CDON: variants seen among roughly 807,000 people sequenced by gnomAD.
CDON encodes cell adhesion molecule-related/down-regulated by oncogenes.
CDON carries 73 observed loss-of-function variants against 120.9 expected under a neutral mutation model. The observed-to-expected ratio is 0.60, with a 90% CI of 0.50 to 0.73. The LOEUF (loss-of-function observed/expected upper bound fraction) is 0.73, where lower values mean the gene tolerates loss of function less well. Among genes scored for constraint, CDON ranks in the 30% least tolerant of loss-of-function variants. The pLI, the probability that CDON is intolerant of heterozygous loss-of-function variation, is 0.00. For missense variants in CDON, 1,470 were observed against 1,587.3 expected, an observed-to-expected ratio of 0.93 and a Z score of 1.26; for synonymous variants, 566 against 573.5, an observed-to-expected ratio of 0.99 and a Z score of 0.19.
intron 11 of CDON, among the ~76,000 whole-genome samples, 200 bp downstream of exon 11, chr11:126,001,519 A>G (rs1946943993): frequency 1.5e-5 from 1 of 66,418 alleles, no homozygotes; most frequent in Non-Finnish European, 3.3e-5. Context: ...TTTGAGTCAG[A>G]GTTAATGAAG....
intron 1 of CDON, among the ~76,000 whole-genome samples, chr11:126,040,568 C>A (rs1278923702): frequency 6.6e-6 from 1 of 152,066 alleles, no homozygotes; most frequent in Non-Finnish European, 1.5e-5. Flanking sequence ...ATAATCCCAG[C>A]ACTTTGGGAG....
At chr11:125,997,174 C>A (rs185955228) in intron 12 of CDON, 33 bp downstream of exon 12, 90 of 1,465,210 alleles carry the variant, frequency 6.1e-5, no homozygotes, top group Non-Finnish European at 8.6e-5. Flanking sequence ...AAGTTCACAT[C>A]GATGGTAAAA....
chr11:126,003,074 A>C (rs923041334), intron 10 of CDON, among the ~76,000 whole-genome samples: 3 of 151,568 alleles, frequency 2.0e-5, no homozygotes, highest in African/African-American at 7.3e-5. Flanking sequence ...ACTGTTAACA[A>C]CTCCTACCCC....
At chr11:125,998,522 G>A (rs771449051) in intron 11 of CDON, among the ~76,000 whole-genome samples, 7 of 151,970 alleles carry the variant, frequency 4.6e-5, no homozygotes, top group Non-Finnish European at 7.4e-5. Context: ...TGGAAGCCAA[G>A]TGATGCTGGT....
At chr11:125,972,620 C>T (rs1404354116) in intron 18 of CDON, among the ~76,000 whole-genome samples, 1 of 152,076 alleles carries the variant, frequency 6.6e-6, no homozygotes, top group East Asian at 1.9e-4. Context: ...ATAATAGAGG[C>T]AACGTTTTCC....
At chr11:125,985,634 A>G (rs1946439183) in intron 15 of CDON, among the ~76,000 whole-genome samples, 1 of 152,178 alleles carries the variant, frequency 6.6e-6, no homozygotes, top group Non-Finnish European at 1.5e-5. Flanking sequence ...ATTATACCGA[A>G]TCTCCTGTTA....
intron 18 of CDON, among the ~76,000 whole-genome samples, chr11:125,967,193 A>G (rs551900041): frequency 6.6e-6 from 1 of 152,316 alleles, no homozygotes; most frequent in South Asian, 2.1e-4. Flanking sequence ...CTGGAGGGGG[A>G]AATGGAGTTA....
intron 8 of CDON, among the ~76,000 whole-genome samples, chr11:126,006,807 T>A (rs1037032932): frequency 1.3e-5 from 2 of 148,292 alleles, no homozygotes; most frequent in Non-Finnish European, 1.5e-5. Context: ...AAAAAAAAAA[T>A]AGGTTGCATA....
chr11:126,058,916 T>C (rs556298891), intron 1 of CDON, among the ~76,000 whole-genome samples: 16 of 152,342 alleles, frequency 1.1e-4, no homozygotes, highest in African/African-American at 3.1e-4. Flanking sequence ...TTGGCGCTGC[T>C]AGCAAGTCTG....
intron 1 of CDON, among the ~76,000 whole-genome samples, chr11:126,056,148 G>A (rs1269192817): frequency 2.0e-5 from 3 of 152,194 alleles, no homozygotes; most frequent in Non-Finnish European, 4.4e-5. Context: ...CTTTGCAAAT[G>A]CCATTACAAC....
intron 16 of CDON, among the ~76,000 whole-genome samples, chr11:125,982,054 G>A (rs1475365146): frequency 8.1e-6 from 1 of 123,168 alleles, no homozygotes; most frequent in Admixed American, 1.1e-4. Flanking sequence ...CGTGATCTTG[G>A]CTCACTGCAA....
intron 18 of CDON, among the ~76,000 whole-genome samples, chr11:125,962,577 CACT>C (rs1945674197): frequency 6.6e-6 from 1 of 152,158 alleles, no homozygotes; most frequent in African/African-American, 2.4e-5. Context: ...AATTTATTAC[CACT>C]GAGTATTTCA....
In CDON at chr11:125,981,344, CAA is replaced by C; in HGVS notation, c.2996-17_2996-16del. On this transcript the variant is annotated splice_polypyrimidine_tract_variant and intron_variant, in intron 16 of 19. Coordinates refer to ENST00000531738, the MANE Select transcript of CDON (RefSeq NM_001378964.1). ...TGGGTCATATTCTGTTAAAAGAGAA[CAA>C]AAAAGACACACACGCACACACACAC... 6.2e-7 allele frequency: 1 copy of C among 1,608,626 alleles called. No individual in the cohort carries two copies. Among genetic ancestry groups the C allele is most frequent in the South Asian group, 1.1e-5 (1 of 91,046 alleles).
chr11:126,019,516 T>C, intron 4 of CDON, 103 bp downstream of exon 4: 1 of 1,271,080 alleles, frequency 7.9e-7, no homozygotes, highest in Non-Finnish European at 1.1e-6. Context: ...CACTCATGCC[T>C]TCTTGTATCC....
chr11:126,009,601 G>C (rs1307696041), intron 8 of CDON, among the ~76,000 whole-genome samples: 1 of 152,176 alleles, frequency 6.6e-6, no homozygotes, highest in Non-Finnish European at 1.5e-5. Flanking sequence ...TTAAAGCAGA[G>C]GCCAGGGTCA....
At chr11:126,001,887 A>G (rs1405652322) in intron 10 of CDON, 37 bp from the exon 11 acceptor site, 1 of 1,469,166 alleles carries the variant, frequency 6.8e-7, no homozygotes, top group Non-Finnish European at 9.5e-7. Flanking sequence ...TAACATAAGC[A>G]TATATGTATG....
chr11:126,040,375 C>T (rs1326888617), intron 1 of CDON, among the ~76,000 whole-genome samples: 1 of 152,146 alleles, frequency 6.6e-6, no homozygotes, highest in South Asian at 2.1e-4. Flanking sequence ...AAAATGAGTG[C>T]TTAGTAAATT....
chr11:126,033,657 C>A (rs1229230761), intron 1 of CDON, among the ~76,000 whole-genome samples: 1 of 152,056 alleles, frequency 6.6e-6, no homozygotes. Context: ...GGTAATCAGA[C>A]ACATTCCTTC....
chr11:126,014,363 G>C (rs774098780), intron 7 of CDON, among the ~76,000 whole-genome samples: 5 of 152,076 alleles, frequency 3.3e-5, no homozygotes, highest in East Asian at 1.9e-4. Flanking sequence ...TAGATTAAAT[G>C]GTTCTCTTTT....
Sources: gnomAD v4.1 joint callset for allele counts (sites outside exome capture counted in the v4.1 genomes callset) on GRCh38, gnomAD v4.1.1 for gene constraint, MANE v1.5 for transcripts, NCBI Gene and HGNC (gene_info 2026-07-23, HGNC 2026-07-21) for gene names.